Variants in RPS23 observed in about 807,000 individuals in gnomAD.
The protein encoded by RPS23 is ribosomal protein S23.
For missense variants in RPS23, 73 were observed against 174.5 expected (o/e 0.42, Z 3.28); for synonymous variants, 66 against 60.4 (o/e 1.09, Z -0.43).
Position 82,278,326 on chromosome 5 carries a change from T to C in RPS23, c.-3A>G, listed in dbSNP as rs781622650. ...ACCGGCCACAACAGCTCACCCATCC[T>C]GTCGGCGCCACGGGCCTGAGCGAAA... On this transcript the variant is annotated 5_prime_UTR_variant, in exon 1 of 4. Coordinates refer to ENST00000296674, the MANE Select transcript of RPS23 (RefSeq NM_001025.5). 22 of 1,609,736 alleles carry C rather than the reference T, an allele frequency of 1.4e-5. No individual in the cohort carries two copies. Among genetic ancestry groups the C allele is most frequent in the Admixed American group, 3.4e-5 (2 of 59,668 alleles).
In RPS23 at chr5:82,274,044, CATTTT is replaced by C. The variant is rs374061788; in HGVS notation, c.*2060_*2064del. On this transcript the variant is annotated 3_prime_UTR_variant, in exon 4 of 4. Coordinates refer to ENST00000296674, the MANE Select transcript of RPS23 (RefSeq NM_001025.5). ...CCATTTTACATTTAGATATATGATC[CATTTT>C]GAGTTAAGTTTGTATTACATGTAAG... 2.4e-4 allele frequency: 37 copies of C among 152,088 alleles called. No individual in the cohort carries two copies. In the East Asian group the frequency reaches 7.2e-3, roughly 29 times the overall value. 9.4% of individuals were successfully genotyped at this position (152,088 alleles called of 1,614,324 possible). A position where few individuals can be genotyped will look rare whatever the true frequency, so the allele number is the denominator to read the frequency against.
chr5:82,276,617 C>G (rs1747782242), intron 2 of RPS23, 99 bp from the exon 3 acceptor site: 6 of 1,463,802 alleles, frequency 4.1e-6, no homozygotes, highest in Admixed American at 1.9e-5. Context: ...TCTATCTTTT[C>G]AATCTAACCT....
Position 82,278,308 on chromosome 5 carries a change from A to G in RPS23, c.4+12T>C. The G allele has an allele frequency of 6.3e-7, 1 of 1,588,458 alleles. No individual in the cohort carries two copies. Among genetic ancestry groups the G allele is most frequent in the Non-Finnish European group, 8.6e-7 (1 of 1,166,064 alleles). On this transcript the variant is annotated intron_variant, in intron 1 of 3. Coordinates refer to ENST00000296674, the MANE Select transcript of RPS23 (RefSeq NM_001025.5). Reference sequence around the variant, plus strand: ...CGCTTGCAGCGCCCTTAAACCGGCCACAACAGCTCACCCATCCTGTCGGCG... The same window carrying G: ...CGCTTGCAGCGCCCTTAAACCGGCCGCAACAGCTCACCCATCCTGTCGGCG...
Position 82,274,967 on chromosome 5 carries a change from A to T in RPS23, c.*1142T>A, listed in dbSNP as rs754592150. The T allele has an allele frequency of 4.2e-6, 2 of 481,638 alleles. No individual in the cohort carries two copies. Among genetic ancestry groups the T allele is most frequent in the Non-Finnish European group, 7.4e-6 (2 of 268,754 alleles). 29.8% of individuals were successfully genotyped at this position (481,638 alleles called of 1,614,324 possible). ...ACAGAGGTCCTGAGGCTGGATATGGAACCCAAGTTTGAGGATGACCAACTG... is the reference window on the plus strand; with the variant it reads ...ACAGAGGTCCTGAGGCTGGATATGGTACCCAAGTTTGAGGATGACCAACTG... On this transcript the variant is annotated 3_prime_UTR_variant, in exon 4 of 4. Coordinates refer to ENST00000296674, the MANE Select transcript of RPS23 (RefSeq NM_001025.5).
rs777431132 is a variant in RPS23 at position 82,274,400 on chromosome 5, G to C, written c.*1709C>G. Reference sequence around the variant, plus strand: ...TCAATCTGGCAGCCCCTGGGCCTCAGGTAGGACTGCTTAGCAGTGAAAAGG... The same window carrying C: ...TCAATCTGGCAGCCCCTGGGCCTCACGTAGGACTGCTTAGCAGTGAAAAGG... On this transcript the variant is annotated 3_prime_UTR_variant, in exon 4 of 4. Transcript: ENST00000296674. 6.6e-6 allele frequency: 1 copy of C among 152,276 alleles called. No homozygotes were observed. The highest frequency in any genetic ancestry group is 1.5e-5 in the Non-Finnish European group (1 of 68,176). 9.4% of individuals were successfully genotyped at this position (152,276 alleles called of 1,614,324 possible).
Position 82,275,693 on chromosome 5 carries a change from T to C in RPS23, c.*416A>G. ...TTCCAAGGGTACCTAAGATAATCTATGTGCAATGAAATTTGGTAACTGAAG... is the reference window on the plus strand; with the variant it reads ...TTCCAAGGGTACCTAAGATAATCTACGTGCAATGAAATTTGGTAACTGAAG... On this transcript the variant is annotated 3_prime_UTR_variant, in exon 4 of 4. Transcript: ENST00000296674. The C allele has an allele frequency of 3.9e-6, 1 of 255,346 alleles. No homozygotes were observed. The highest frequency in any genetic ancestry group is 7.4e-6 in the Non-Finnish European group (1 of 135,276). 15.8% of individuals were successfully genotyped at this position (255,346 alleles called of 1,614,324 possible). A position where few individuals can be genotyped will look rare whatever the true frequency, so the allele number is the denominator to read the frequency against.
chr5:82,276,774 C>T (rs548393567), intron 2 of RPS23: 5 of 455,352 alleles, frequency 1.1e-5, no homozygotes, highest in African/African-American at 6.1e-5. Context: ...CAACTACTTG[C>T]GAGGCTGACG....
At position 82,274,178 on chromosome 5, in the gene RPS23, C is replaced by A. The variant is rs909505529; in HGVS notation, c.*1931G>T. 1 of 152,154 alleles carries A rather than the reference C, an allele frequency of 6.6e-6. No homozygotes were observed. Among genetic ancestry groups the A allele is most frequent in the African/African-American group, 2.4e-5 (1 of 41,430 alleles). The allele number at this position is 152,154 out of a possible 1,614,324, so 9.4% of individuals were successfully genotyped here. On this transcript the variant is annotated 3_prime_UTR_variant, in exon 4 of 4. Coordinates refer to ENST00000296674, the MANE Select transcript of RPS23 (RefSeq NM_001025.5). The stretch of plus-strand genomic sequence containing the variant: ...TAAGATAAATCCGTTGGCCATACTT[C>A]TGAATGTCTATTTATGGATTCCCTA...
Position 82,275,013 on chromosome 5 carries a change from C to A in RPS23, c.*1096G>T, listed in dbSNP as rs2112045252. ...AACTGAGACCAGTGTTGCTGGAGCA[C>A]AAAGTGCCAAGGAGAGAAATGGCAG... On this transcript the variant is annotated 3_prime_UTR_variant, in exon 4 of 4. Coordinates refer to ENST00000296674, the MANE Select transcript of RPS23 (RefSeq NM_001025.5). The A allele has an allele frequency of 1.8e-6, 1 of 551,042 alleles. No individual in the cohort carries two copies. The highest frequency in any genetic ancestry group is 3.2e-6 in the Non-Finnish European group (1 of 309,282). The allele number at this position is 551,042 out of a possible 1,614,324, so 34.1% of individuals were successfully genotyped here.
In RPS23 at chr5:82,274,791, AG is replaced by A. The variant is rs562070696; in HGVS notation, c.*1317del. 21 of 187,412 alleles carry A rather than the reference AG, an allele frequency of 1.1e-4. No homozygotes were observed. In the South Asian group the frequency reaches 2.5e-3, roughly 22 times the overall value. 11.6% of individuals were successfully genotyped at this position (187,412 alleles called of 1,614,324 possible). The stretch of plus-strand genomic sequence containing the variant: ...CAAATACTGACTGCAGCTACACGTT[AG>A]GAAACACTGGTACAAACCAACAGGC... On this transcript the variant is annotated 3_prime_UTR_variant, in exon 4 of 4. Transcript: ENST00000296674.
In RPS23 at chr5:82,275,591, TAAAC is replaced by T. The variant is rs1225444490; in HGVS notation, c.*514_*517del. 4.9e-6 allele frequency: 2 copies of T among 409,572 alleles called. No homozygotes were observed. Among genetic ancestry groups the T allele is most frequent in the Non-Finnish European group, 8.7e-6 (2 of 230,770 alleles). The allele number at this position is 409,572 out of a possible 1,614,324, so 25.4% of individuals were successfully genotyped here. A position where few individuals can be genotyped will look rare whatever the true frequency, so the allele number is the denominator to read the frequency against. ...CACAGATCCTGACACCTTTAAATAATAAACAGAGTGGGGAGCAATTTTGAGTTTA... is the reference window on the plus strand; with the variant it reads ...CACAGATCCTGACACCTTTAAATAATAGAGTGGGGAGCAATTTTGAGTTTA... On this transcript the variant is annotated 3_prime_UTR_variant, in exon 4 of 4. Transcript: ENST00000296674.
At chr5:82,276,679 T>C in intron 2 of RPS23, 161 bp from the exon 3 acceptor site, 1 of 815,030 alleles carries the variant, frequency 1.2e-6, no homozygotes, top group Non-Finnish European at 1.9e-6. Context: ...CTGCCAGTCT[T>C]AATTTCATTA....
At position 82,275,703 on chromosome 5, in the gene RPS23, A is replaced by C. The variant is rs942886589; in HGVS notation, c.*406T>G. 1.2e-5 allele frequency: 3 copies of C among 249,132 alleles called. No individual in the cohort carries two copies. Among genetic ancestry groups the C allele is most frequent in the Admixed American group, 5.0e-5 (1 of 20,182 alleles). The allele number at this position is 249,132 out of a possible 1,614,324, so 15.4% of individuals were successfully genotyped here. A position where few individuals can be genotyped will look rare whatever the true frequency, so the allele number is the denominator to read the frequency against. ...ACCTAAGATAATCTATGTGCAATGA[A>C]ATTTGGTAACTGAAGTGTTGCACCC... is the stretch of plus-strand genomic sequence containing the variant. On this transcript the variant is annotated 3_prime_UTR_variant, in exon 4 of 4. Transcript: ENST00000296674.
rs985893417 is a variant in RPS23 at position 82,275,179 on chromosome 5, T to C, written c.*930A>G. 1 of 701,094 alleles carries C rather than the reference T, an allele frequency of 1.4e-6. No individual in the cohort carries two copies. Among genetic ancestry groups the C allele is most frequent in the African/African-American group, 1.7e-5 (1 of 57,174 alleles). 43.4% of individuals were successfully genotyped at this position (701,094 alleles called of 1,614,324 possible). ...TCCTAAACAATGTAAAGCTAGGCTT[T>C]GATCAAAGGGCTAATTAACCCATAC... On this transcript the variant is annotated 3_prime_UTR_variant, in exon 4 of 4. Coordinates refer to ENST00000296674, the MANE Select transcript of RPS23 (RefSeq NM_001025.5).
rs902696854 is a variant in RPS23 at position 82,275,144 on chromosome 5, T to C, written c.*965A>G. 4.5e-5 allele frequency: 31 copies of C among 685,992 alleles called. No homozygotes were observed. The highest frequency in any genetic ancestry group is 8.2e-5 in the Non-Finnish European group (31 of 375,888). 42.5% of individuals were successfully genotyped at this position (685,992 alleles called of 1,614,324 possible). On this transcript the variant is annotated 3_prime_UTR_variant, in exon 4 of 4. Transcript: ENST00000296674. Reference sequence around the variant, plus strand: ...GAAAGTGGGCAACCAAACCAATTGTTTTCCAAAGATCCTAAACAATGTAAA... The same window carrying C: ...GAAAGTGGGCAACCAAACCAATTGTCTTCCAAAGATCCTAAACAATGTAAA...
chr5:82,275,154 T>C lies in RPS23; in HGVS notation c.*955A>G. 1.4e-6 allele frequency: 1 copy of C among 696,078 alleles called. No homozygotes were observed. Among genetic ancestry groups the C allele is most frequent in the Non-Finnish European group, 2.6e-6 (1 of 381,562 alleles). The allele number at this position is 696,078 out of a possible 1,614,324, so 43.1% of individuals were successfully genotyped here. On this transcript the variant is annotated 3_prime_UTR_variant, in exon 4 of 4. Coordinates refer to ENST00000296674, the MANE Select transcript of RPS23 (RefSeq NM_001025.5). ...AACCAAACCAATTGTTTTCCAAAGATCCTAAACAATGTAAAGCTAGGCTTT... is the reference window on the plus strand; with the variant it reads ...AACCAAACCAATTGTTTTCCAAAGACCCTAAACAATGTAAAGCTAGGCTTT...
intron 2 of RPS23, chr5:82,276,787 G>C (rs1013067387): frequency 2.2e-6 from 1 of 455,302 alleles, no homozygotes; most frequent in African/African-American, 2.0e-5. Context: ...GGCTGACGTG[G>C]GAGGATCTAT....
At chr5:82,278,185 A>G in intron 1 of RPS23, 135 bp downstream of exon 1, 2 of 843,694 alleles carry the variant, frequency 2.4e-6, no homozygotes, top group Admixed American at 2.5e-5. Flanking sequence ...TGCCTCCTGG[A>G]GCGGCGCTTC....
At chr5:82,276,346 G>C in intron 3 of RPS23, 52 bp downstream of exon 3, 1 of 1,613,080 alleles carries the variant, frequency 6.2e-7, no homozygotes, top group Non-Finnish European at 8.5e-7. Context: ...AGATAAAAAT[G>C]TGAGGGAGGC....
Sources: gnomAD v4.1 joint callset for allele counts on GRCh38, gnomAD v4.1.1 for gene constraint, MANE v1.5 for transcripts, NCBI Gene and HGNC (gene_info 2026-07-23, HGNC 2026-07-21) for gene names.